The following RAP1GAP2 variants were observed in gnomAD, a reference collection of about 807,000 sequenced individuals.
RAP1GAP2 encodes rap1 GTPase-activating protein 2.
Under a neutral mutation model 95.0 loss-of-function variants are expected in RAP1GAP2, and 27 were observed. That is an observed-to-expected ratio of 0.28 (90% CI 0.21 to 0.39). RAP1GAP2 has a LOEUF of 0.39. Among genes scored for constraint, RAP1GAP2 ranks in the 10% least tolerant of loss-of-function variants. The probability of loss-of-function intolerance (pLI) is 1.00; values close to 1 mark genes in which losing one functional copy is unlikely to be tolerated. For synonymous variants in RAP1GAP2, 373 were observed against 380.9 expected (o/e 0.98, Z 0.24); for missense variants, 771 against 970.0 (o/e 0.79, Z 2.72).
intron 3 of RAP1GAP2, among the ~76,000 whole-genome samples, chr17:2,956,988 C>G (rs1475371543): frequency 6.6e-6 from 1 of 152,000 alleles, no homozygotes; most frequent in Non-Finnish European, 1.5e-5. Flanking sequence ...ATTAGCCGGG[C>G]ACGATGGCGG....
intron 17 of RAP1GAP2, among the ~76,000 whole-genome samples, chr17:3,010,842 G>A (rs906276052): frequency 1.3e-5 from 2 of 152,168 alleles, no homozygotes; most frequent in African/African-American, 2.4e-5. Context: ...AGGTAGCACC[G>A]TGGGGCGTGG....
At chr17:2,956,769 C>G (rs1436286691) in intron 3 of RAP1GAP2, among the ~76,000 whole-genome samples, 3 of 152,036 alleles carry the variant, frequency 2.0e-5, no homozygotes, top group African/African-American at 7.2e-5. Flanking sequence ...TTTGTTTTTC[C>G]TGGATACACA....
intron 1 of RAP1GAP2, among the ~76,000 whole-genome samples, chr17:2,785,787 C>T (rs986155995): frequency 1.3e-5 from 2 of 152,018 alleles, no homozygotes; most frequent in Non-Finnish European, 2.9e-5. Flanking sequence ...GTCTGTGGCT[C>T]GTCCTGCTAC....
chr17:3,027,401 T>C lies in RAP1GAP2; in HGVS notation c.2107+331T>C, dbSNP rs1295579146. Reference sequence around the variant, plus strand: ...CCACCTGCCAGTGCTCCAACCCTTCTCCCCACCTGCCAGCGCTCCAGGGCT... The same window carrying C: ...CCACCTGCCAGTGCTCCAACCCTTCCCCCCACCTGCCAGCGCTCCAGGGCT... On this transcript the variant is annotated intron_variant, in intron 22 of 24. Coordinates refer to ENST00000254695, the MANE Select transcript of RAP1GAP2 (RefSeq NM_015085.5). This position sits in a 1 kb window ranked among gnomAD's most constrained non-coding sequence, Gnocchi z 5.2. Among the ~76,000 whole-genome samples the C allele has an allele frequency of 6.6e-6, 1 of 151,796 alleles. No homozygotes were observed. The highest frequency in any genetic ancestry group is 2.4e-5 in the African/African-American group (1 of 41,306).
chr17:2,808,980 T>TGCAGGGAGAA (rs1443508170), intron 2 of RAP1GAP2, among the ~76,000 whole-genome samples: 1 of 152,192 alleles, frequency 6.6e-6, no homozygotes, highest in African/African-American at 2.4e-5. Flanking sequence ...CGTGCGTGGC[T>TGCAGGGAGAA]GCAGGGAGAA....
At chr17:2,905,753 G>T (rs1170777401) in intron 3 of RAP1GAP2, among the ~76,000 whole-genome samples, 1 of 152,172 alleles carries the variant, frequency 6.6e-6, no homozygotes, top group Non-Finnish European at 1.5e-5. Flanking sequence ...CTGGTCTGCC[G>T]GCCTCTGGCT....
intron 8 of RAP1GAP2, among the ~76,000 whole-genome samples, chr17:2,974,031 C>T (rs998417503): frequency 3.9e-5 from 6 of 152,040 alleles, no homozygotes; most frequent in Non-Finnish European, 8.8e-5. Context: ...GGGGCAATAT[C>T]TTTCAAGTGT....
intron 1 of RAP1GAP2, among the ~76,000 whole-genome samples, chr17:2,766,140 T>C (rs558515357): frequency 1.8e-4 from 27 of 152,282 alleles, no homozygotes; most frequent in Non-Finnish European, 2.8e-4. Flanking sequence ...AGCCTTGTGC[T>C]CTGCAGCAAC....
upstream of RAP1GAP2, among the ~76,000 whole-genome samples, chr17:2,793,763 T>C (rs178571): frequency 0.95 from 144,608 of 152,300 alleles, 69,109 homozygotes; most frequent in East Asian, 1. Flanking sequence ...GGTCAGCTGG[T>C]TCCTGGCACA....
chr17:2,936,296 T>C (rs1446561369), intron 3 of RAP1GAP2, among the ~76,000 whole-genome samples: 2 of 124,390 alleles, frequency 1.6e-5, no homozygotes, highest in Non-Finnish European at 3.2e-5. Flanking sequence ...ACTATTTGTC[T>C]CGCTGGCCTT....
intron 24 of RAP1GAP2, chr17:3,032,947 G>C (rs745309122): frequency 3.9e-5 from 7 of 178,120 alleles, no homozygotes; most frequent in Non-Finnish European, 6.0e-5. Flanking sequence ...CAGAGTGGCC[G>C]TGGGTCCAGC....
intron 2 of RAP1GAP2, among the ~76,000 whole-genome samples, chr17:2,829,236 A>C (rs550030230): frequency 6.6e-6 from 1 of 152,228 alleles, no homozygotes; most frequent in South Asian, 2.1e-4. Flanking sequence ...CACCCGCCTC[A>C]GCCTTAAAAA....
At chr17:2,839,756 G>A (rs767301175) in intron 2 of RAP1GAP2, among the ~76,000 whole-genome samples, 1 of 152,158 alleles carries the variant, frequency 6.6e-6, no homozygotes, top group African/African-American at 2.4e-5. Flanking sequence ...TGGTTTTTGA[G>A]AGGATGACTA....
At chr17:2,979,686 C>T (rs9912846) in intron 8 of RAP1GAP2, among the ~76,000 whole-genome samples, 27,697 of 150,130 alleles carry the variant, frequency 0.18, 2,626 homozygotes, top group East Asian at 0.21. Flanking sequence ...AGGCTGGTCT[C>T]GAACTCCTGA....
At chr17:2,920,370 C>T (rs1452924780) in intron 3 of RAP1GAP2, among the ~76,000 whole-genome samples, 1 of 152,130 alleles carries the variant, frequency 6.6e-6, no homozygotes, top group East Asian at 1.9e-4. Flanking sequence ...CCCCCAGGGG[C>T]CCCCCAACCC....
intron 9 of RAP1GAP2, among the ~76,000 whole-genome samples, chr17:2,980,719 G>A (rs1016020234): frequency 1.3e-5 from 2 of 152,184 alleles, no homozygotes; most frequent in African/African-American, 2.4e-5. Flanking sequence ...GAGGGCGGGT[G>A]GCCTGGGGAA....
intron 3 of RAP1GAP2, among the ~76,000 whole-genome samples, chr17:2,954,253 C>T (rs376085794): frequency 0.034 from 5,170 of 151,842 alleles, 289 homozygotes; most frequent in African/African-American, 0.12. Context: ...TACAGGCGCC[C>T]GCCACCATGC....
chr17:3,013,349 C>G (rs1304262805), intron 17 of RAP1GAP2, among the ~76,000 whole-genome samples: 4 of 152,200 alleles, frequency 2.6e-5, no homozygotes. Context: ...GTTGTGATGT[C>G]AGGATGGCCC....
rs1327486948 is a variant in RAP1GAP2 at position 2,826,154 on chromosome 17, T to A, written c.80+25604T>A. Among the ~76,000 whole-genome samples, 3 of 146,524 alleles carry A rather than the reference T, an allele frequency of 2.0e-5. 1 individual carries two copies. In the East Asian group the frequency reaches 6.0e-4, roughly 29 times the overall value. ...CACCACCACGCCCAGCAAATTTTTT[T>A]TTTTTTTTTTTTTTGTATTTTTAGT... On this transcript the variant is annotated intron_variant, in intron 2 of 24. Transcript: ENST00000254695.
Sources: gnomAD v4.1 joint callset for allele counts (sites outside exome capture counted in the v4.1 genomes callset) on GRCh38, gnomAD v4.1.1 for gene constraint, Gnocchi (gnomAD v3.1) non-coding constraint, MANE v1.5 for transcripts, NCBI Gene and HGNC (gene_info 2026-07-23, HGNC 2026-07-21) for gene names.